Variants in TRAF2 observed in about 807,000 individuals in gnomAD.
The protein encoded by TRAF2 is TNF receptor-associated factor 2.
TRAF2 carries 6 observed loss-of-function variants against 55.6 expected under a neutral mutation model. The ratio of observed to expected loss-of-function variants is 0.11; its 90% CI spans 0.06 to 0.21. The LOEUF (loss-of-function observed/expected upper bound fraction) is 0.21, where lower values mean the gene tolerates loss of function less well. Ranked by LOEUF, TRAF2 falls within the 10% of genes least tolerant of loss-of-function variation. The probability of loss-of-function intolerance (pLI) is 1.00; values close to 1 mark genes in which losing one functional copy is unlikely to be tolerated. For missense variants in TRAF2, 561 were observed against 684.5 expected (o/e 0.82, Z 2.01); for synonymous variants, 329 against 276.3 (o/e 1.19, Z -1.89).
intron 6 of TRAF2, among the ~76,000 whole-genome samples, chr9:136,915,940 G>C (rs1173892986): frequency 6.6e-5 from 10 of 152,130 alleles, no homozygotes. Flanking sequence ...CACACTCAGA[G>C]CCGCGACACA....
At chr9:136,890,859 G>C (rs1849567556) in intron 1 of TRAF2, among the ~76,000 whole-genome samples, 1 of 152,210 alleles carries the variant, frequency 6.6e-6, no homozygotes, top group South Asian at 2.1e-4. Flanking sequence ...GCCGTGTCAG[G>C]ATGTCACGAT....
chr9:136,908,598 G>A (rs1035535939), intron 5 of TRAF2, among the ~76,000 whole-genome samples: 4 of 152,028 alleles, frequency 2.6e-5, no homozygotes, highest in African/African-American at 4.8e-5. Context: ...CAGGTGCGGC[G>A]GTTCATGCCT....
intron 10 of TRAF2, among the ~76,000 whole-genome samples, chr9:136,924,959 G>A (rs1464045282): frequency 4.6e-5 from 7 of 152,182 alleles, no homozygotes; most frequent in South Asian, 4.1e-4. Flanking sequence ...GGCTGGTCTT[G>A]ATCTCCTGAC....
intron 1 of TRAF2, among the ~76,000 whole-genome samples, chr9:136,898,290 C>T (rs1564407443): frequency 6.6e-6 from 1 of 152,222 alleles, no homozygotes; most frequent in Admixed American, 6.5e-5. Flanking sequence ...AGAAGGCATC[C>T]ACCACTCTAA....
At chr9:136,894,949 G>T (rs1849650669) in intron 1 of TRAF2, among the ~76,000 whole-genome samples, 1 of 152,222 alleles carries the variant, frequency 6.6e-6, no homozygotes, top group African/African-American at 2.4e-5. Context: ...TGAATAGACA[G>T]CGTACTCCAG....
upstream of TRAF2, among the ~76,000 whole-genome samples, chr9:136,885,481 G>A (rs1849427487): frequency 6.6e-6 from 1 of 152,194 alleles, no homozygotes; most frequent in Non-Finnish European, 1.5e-5. Context: ...TCCTAGGGCA[G>A]CCCCTGTTTT....
chr9:136,891,654 A>T (rs944989925), intron 1 of TRAF2, among the ~76,000 whole-genome samples: 1 of 152,120 alleles, frequency 6.6e-6, no homozygotes, highest in African/African-American at 2.4e-5. Flanking sequence ...GAAAAGAATC[A>T]AGCTTTGTCT....
intron 6 of TRAF2, among the ~76,000 whole-genome samples, chr9:136,913,027 C>T (rs1850153947): frequency 6.6e-6 from 1 of 152,138 alleles, no homozygotes; most frequent in Non-Finnish European, 1.5e-5. Context: ...ATCCCAGCTA[C>T]TTGGGAAGCT....
intron 4 of TRAF2, among the ~76,000 whole-genome samples, chr9:136,907,223 C>T (rs1344986321): frequency 6.6e-6 from 1 of 152,270 alleles, no homozygotes; most frequent in Non-Finnish European, 1.5e-5. Context: ...TAGCCTGCGG[C>T]ACCGGCTCCC....
chr9:136,914,501 G>A (rs1363870722), intron 6 of TRAF2, among the ~76,000 whole-genome samples: 1 of 152,172 alleles, frequency 6.6e-6, no homozygotes, highest in Non-Finnish European at 1.5e-5. Flanking sequence ...ACTTCTTCCC[G>A]CAGCCCAGTG....
chr9:136,924,897 C>A (rs982585673), intron 10 of TRAF2, among the ~76,000 whole-genome samples: 1 of 152,046 alleles, frequency 6.6e-6, no homozygotes, highest in African/African-American at 2.4e-5. Flanking sequence ...CACCACCACG[C>A]CCAGCTAATT....
At chr9:136,915,788 T>C (rs1334048854) in intron 6 of TRAF2, among the ~76,000 whole-genome samples, 1 of 152,124 alleles carries the variant, frequency 6.6e-6, no homozygotes. Flanking sequence ...GAATAGTGTT[T>C]TTGGTTTTTG....
chr9:136,889,919 T>C lies in TRAF2; in HGVS notation c.-29+3378T>C, dbSNP rs551300723. Among the ~76,000 whole-genome samples, 32 of 146,786 alleles carry C rather than the reference T, an allele frequency of 2.2e-4. No homozygotes were observed. In the South Asian group the frequency reaches 6.6e-3, roughly 30 times the overall value. On this transcript the variant is annotated intron_variant, in intron 1 of 10. Coordinates refer to ENST00000247668, the MANE Select transcript of TRAF2 (RefSeq NM_021138.4). ...CGCATGTGTGATAATCACCCCCGCA[T>C]GCTTGTTCAGCTCGTCACCGCGTGT...
chr9:136,902,634 T>G (rs984715054), intron 4 of TRAF2, among the ~76,000 whole-genome samples: 4 of 152,162 alleles, frequency 2.6e-5, no homozygotes, highest in Admixed American at 6.5e-5. Context: ...TTTGGTCATG[T>G]GGGAGGGGCG....
intron 10 of TRAF2, among the ~76,000 whole-genome samples, chr9:136,924,679 G>GGA (rs555924974): frequency 6.6e-6 from 1 of 152,168 alleles, no homozygotes; most frequent in Non-Finnish European, 1.5e-5. Flanking sequence ...ACCCTGCCCT[G>GGA]GAGAGAGAGT....
At chr9:136,883,648 T>C (rs923873697), upstream of TRAF2, among the ~76,000 whole-genome samples, 1 of 151,776 alleles carries the variant, frequency 6.6e-6, no homozygotes, top group Non-Finnish European at 1.5e-5. Context: ...TCCTGAGTAA[T>C]TGGGATTACA....
At chr9:136,918,850 T>G (rs1850308870) in intron 7 of TRAF2, among the ~76,000 whole-genome samples, 1 of 149,370 alleles carries the variant, frequency 6.7e-6, no homozygotes, top group Non-Finnish European at 1.5e-5. Context: ...CTCTCCTGCC[T>G]CAGCCTTCCG....
At chr9:136,915,570 A>AG (rs928917064) in intron 6 of TRAF2, among the ~76,000 whole-genome samples, 1 of 151,478 alleles carries the variant, frequency 6.6e-6, no homozygotes, top group African/African-American at 2.4e-5. Context: ...TTCAGGTATG[A>AG]GGGAGGGTGT....
In TRAF2 at chr9:136,913,418, G is replaced by A. The variant is rs187681776; in HGVS notation, c.604-3123G>A. Among the ~76,000 whole-genome samples the A allele has an allele frequency of 8.2e-4, 118 of 143,680 alleles. 2 individuals carry two copies. Among genetic ancestry groups the A allele is most frequent in the Admixed American group, 8.0e-3 (111 of 13,808 alleles). The allele number at this position is 143,680 out of a possible 152,430, so 94.3% of individuals were successfully genotyped here. ...ATTCAAGTGATTCTCCTGCCTCAGC[G>A]TCCCTAGTAGCTGGGATTACAGGTG... is the stretch of plus-strand genomic sequence containing the variant. On this transcript the variant is annotated intron_variant, in intron 6 of 10. Coordinates refer to ENST00000247668, the MANE Select transcript of TRAF2 (RefSeq NM_021138.4).
Sources: allele counts gnomAD v4.1 joint callset (sites outside exome capture counted in the v4.1 genomes callset), GRCh38; gene constraint gnomAD v4.1.1; transcripts MANE v1.5; gene names NCBI Gene and HGNC (gene_info 2026-07-23, HGNC 2026-07-21).